TMEM141: variants seen among roughly 807,000 people sequenced by gnomAD.
TMEM141 encodes the protein transmembrane protein 141.
In TMEM141, 18 loss-of-function variants were observed where a neutral mutation model predicts 15.9. That is an observed-to-expected ratio of 1.13 (90% CI 0.78 to 1.68). TMEM141 has a LOEUF of 1.68. Among genes scored for constraint, TMEM141 ranks in the 40% most tolerant of loss-of-function variants. TMEM141 has a pLI of 0.00. For missense variants in TMEM141, 161 were observed against 139.5 expected (o/e 1.15, Z -0.78); for synonymous variants, 69 against 54.0 (o/e 1.28, Z -1.22).
chr9:136,792,620 G>C (rs1197339399), intron 4 of TMEM141, among the ~76,000 whole-genome samples, 199 bp from the exon 5 acceptor site: 1 of 152,216 alleles, frequency 6.6e-6, no homozygotes, highest in Non-Finnish European at 1.5e-5. Flanking sequence ...AGAGTGAAGG[G>C]TGTGGCAAGG....
intron 1 of TMEM141, 90 bp from the exon 2 acceptor site, chr9:136,791,621 C>A: frequency 6.3e-7 from 1 of 1,579,820 alleles, no homozygotes; most frequent in Non-Finnish European, 8.6e-7. Flanking sequence ...CTCACTCCTC[C>A]ACAGCCAGGG....
Position 136,792,445 on chromosome 9 carries a change from G to A in TMEM141, c.313+87G>A, listed in dbSNP as rs114658401. The A allele has an allele frequency of 1.9e-3, 2,080 of 1,110,742 alleles. 23 individuals are homozygous for A. In the African/African-American group the frequency reaches 0.028, roughly 15 times the overall value. The allele number at this position is 1,110,742 out of a possible 1,614,324, so 68.8% of individuals were successfully genotyped here. A position where few individuals can be genotyped will look rare whatever the true frequency, so the allele number is the denominator to read the frequency against. ...GCAGCCAAGCCTGGGTGCACCATGC[G>A]ATAGGCTAGACAAGGTCCCTCCCTC... On this transcript the variant is annotated intron_variant, in intron 4 of 4. Coordinates refer to ENST00000290079, the MANE Select transcript of TMEM141 (RefSeq NM_032928.4).
intron 4 of TMEM141, 75 bp downstream of exon 4, chr9:136,792,433 G>A (rs1564345257): frequency 2.4e-6 from 3 of 1,240,632 alleles, no homozygotes; most frequent in Non-Finnish European, 2.3e-6. Flanking sequence ...GCCAAGCCTG[G>A]GTGCACCATG....
intron 1 of TMEM141, 104 bp from the exon 2 acceptor site, chr9:136,791,607 G>C: frequency 6.4e-7 from 1 of 1,571,786 alleles, no homozygotes; most frequent in Non-Finnish European, 8.6e-7. Flanking sequence ...CAAGCGCCCA[G>C]GGTCTCACTC....
chr9:136,792,101 T>A, intron 3 of TMEM141, 71 bp downstream of exon 3: 1 of 1,592,140 alleles, frequency 6.3e-7, no homozygotes, highest in East Asian at 2.2e-5. Flanking sequence ...GCTGTGGTTC[T>A]GCGTCCCTGA....
At chr9:136,791,529 G>T in intron 1 of TMEM141, 105 bp downstream of exon 1, 1 of 1,545,758 alleles carries the variant, frequency 6.5e-7, no homozygotes, top group South Asian at 1.2e-5. Context: ...GAGTGGCGGA[G>T]GCTGGGGGCA....
intron 4 of TMEM141, 133 bp from the exon 5 acceptor site, chr9:136,792,686 A>G (rs904621475): frequency 1.7e-5 from 12 of 713,392 alleles, no homozygotes; most frequent in Admixed American, 5.4e-5. Flanking sequence ...GAAGCCCCGC[A>G]TTGGACCCAG....
Position 136,792,958 on chromosome 9 carries a change from A to C in TMEM141, c.*126A>C, listed in dbSNP as rs374673899. ...TACCCCAGTCGTATCCTCTGTCCGC[A>C]TGTGTGGCCAGGCCTGACAAACACC... On this transcript the variant is annotated 3_prime_UTR_variant, in exon 5 of 5. Coordinates refer to ENST00000290079, the MANE Select transcript of TMEM141 (RefSeq NM_032928.4). The C allele has an allele frequency of 5.3e-4, 669 of 1,267,530 alleles. 2 individuals are homozygous for C. The African/African-American group carries it at 8.6e-3, about 16-fold the overall frequency. The allele number at this position is 1,267,530 out of a possible 1,614,324, so 78.5% of individuals were successfully genotyped here. A position where few individuals can be genotyped will look rare whatever the true frequency, so the allele number is the denominator to read the frequency against.
At chr9:136,792,120 T>C in intron 3 of TMEM141, 90 bp downstream of exon 3, 1 of 1,563,452 alleles carries the variant, frequency 6.4e-7, no homozygotes, top group Admixed American at 1.7e-5. Flanking sequence ...GACTCTGACA[T>C]GGAGCCCCAG....
chr9:136,792,895 C>A lies in TMEM141; in HGVS notation c.*63C>A, dbSNP rs1162254740. The A allele has an allele frequency of 6.9e-7, 1 of 1,453,082 alleles. No homozygotes were observed. The highest frequency in any genetic ancestry group is 9.1e-7 in the Non-Finnish European group (1 of 1,098,190). 90.0% of individuals were successfully genotyped at this position (1,453,082 alleles called of 1,614,324 possible). A position where few individuals can be genotyped will look rare whatever the true frequency, so the allele number is the denominator to read the frequency against. On this transcript the variant is annotated 3_prime_UTR_variant, in exon 5 of 5. Transcript: ENST00000290079. ...AGGAGTCTGGAACACAGCCTTCATG[C>A]CCCCTGACCCCAGGCCGACCCTCCC...
intron 4 of TMEM141, 44 bp downstream of exon 4, chr9:136,792,402 C>T (rs1847600531): frequency 1.3e-6 from 2 of 1,486,356 alleles, no homozygotes; most frequent in African/African-American, 1.4e-5. Context: ...GCCACCTCTC[C>T]AGCACCCAGA....
chr9:136,791,711 G>C lies in TMEM141; in HGVS notation c.55G>C (p.Gly19Arg), dbSNP rs777091059. The change falls in exon 2 of 5, where the codon GGA becomes CGA. Residue 19 changes from glycine (G) to arginine (R), a missense_variant and splice_region_variant. Transcript: ENST00000290079. ...CCTTCACCCGCCTCTGCCACCCCAG[G>C]GACTCGGGGAGTATGCCGCATGCCA... Reference protein sequence around the residue: ...VDDAVAAKHPGLGEYAACQSH... With the variant: ...VDDAVAAKHPRLGEYAACQSH... The C allele has an allele frequency of 1.2e-6, 2 of 1,612,978 alleles. No individual in the cohort carries two copies. The highest frequency in any genetic ancestry group is 2.7e-5 in the African/African-American group (2 of 74,920).
chr9:136,792,589 T>C (rs1026755185), intron 4 of TMEM141, among the ~76,000 whole-genome samples: 1 of 152,108 alleles, frequency 6.6e-6, no homozygotes, highest in African/African-American at 2.4e-5. Flanking sequence ...GGGGTGCCCC[T>C]GAGATTGAGA....
At position 136,792,026 on chromosome 9, in the gene TMEM141, C is replaced by T. The variant is rs765135595; in HGVS notation, c.201C>T (p.Ala67=). 6 of 1,613,736 alleles carry T rather than the reference C, an allele frequency of 3.7e-6. No homozygotes were observed. The highest frequency in any genetic ancestry group is 4.2e-6 in the Non-Finnish European group (5 of 1,179,980). The stretch of plus-strand genomic sequence containing the variant: ...CTTTGCAGTGGAGCCTCCTAGTGGC[C>T]GTGGGTGGGTACTCCAGGGCCCCTG... The part of the protein sequence containing the change: ...PYPLQWSLLV[A]VVAGSVVSYG... The change falls in exon 3 of 5, where the codon GCC becomes GCT. Residue 67 remains alanine, a synonymous_variant. Transcript: ENST00000290079.
chr9:136,792,761 C>A, intron 4 of TMEM141, 58 bp from the exon 5 acceptor site: 1 of 1,360,286 alleles, frequency 7.4e-7, no homozygotes, highest in Non-Finnish European at 1.0e-6. Context: ...AAAATGGGCA[C>A]AGGGATGCCC....
chr9:136,792,466 C>G (rs2131120754), intron 4 of TMEM141, 108 bp downstream of exon 4: 2 of 918,340 alleles, frequency 2.2e-6, no homozygotes, highest in East Asian at 5.3e-5. Flanking sequence ...CAAGGTCCCT[C>G]CCTCTGGCCC....
rs1199210207 is a variant in TMEM141, at chr9:136,791,644, A to C, written c.55-67A>C. 4.4e-6 allele frequency: 7 copies of C among 1,595,902 alleles called. No individual in the cohort carries two copies. The African/African-American group carries it at 6.7e-5, about 15-fold the overall frequency. On this transcript the variant is annotated intron_variant, in intron 1 of 4. Transcript: ENST00000290079. Reference sequence around the variant, plus strand: ...TCCACAGCCAGGGTGTGCCCAGAGGAGGGACAGGAGAGGCGGTGAAGGAAG... The same window carrying C: ...TCCACAGCCAGGGTGTGCCCAGAGGCGGGACAGGAGAGGCGGTGAAGGAAG...
At chr9:136,791,551 A>T in intron 1 of TMEM141, 127 bp downstream of exon 1, 1 of 1,556,756 alleles carries the variant, frequency 6.4e-7, no homozygotes, top group Non-Finnish European at 8.7e-7. Flanking sequence ...TCTCTTGCTA[A>T]GGGGCTCAGG....
At chr9:136,792,791 C>T (rs761747554) in intron 4 of TMEM141, 28 bp from the exon 5 acceptor site, 26 of 1,531,562 alleles carry the variant, frequency 1.7e-5, no homozygotes, top group Non-Finnish European at 2.1e-5. Flanking sequence ...GGATGTGGTT[C>T]GAGCTTGTCT....
Sources: allele counts gnomAD v4.1 joint callset (sites outside exome capture counted in the v4.1 genomes callset), GRCh38; gene constraint gnomAD v4.1.1; transcripts MANE v1.5; gene names NCBI Gene and HGNC (gene_info 2026-07-23, HGNC 2026-07-21).